Variants in MTCL3 observed in about 807,000 individuals in gnomAD.
MTCL3 encodes the protein MTCL family member 3.
the MTCL3 span, among the ~76,000 whole-genome samples, chr6:127,503,314 A>T: frequency 6.6e-6 from 1 of 152,290 alleles, no homozygotes; most frequent in African/African-American, 2.4e-5. Context: ...TATTAACAAC[A>T]TAATTATACA....
chr6:127,504,521 G>A, the MTCL3 span, among the ~76,000 whole-genome samples: 2 of 152,134 alleles, frequency 1.3e-5, no homozygotes, highest in African/African-American at 4.8e-5. Flanking sequence ...TGGGAGCAAG[G>A]CCATTCACAG....
the MTCL3 span, chr6:127,475,354 C>A: frequency 6.2e-7 from 1 of 1,613,190 alleles, no homozygotes; most frequent in Admixed American, 1.7e-5. This position sits in a 1 kb window ranked among gnomAD's most constrained non-coding sequence, Gnocchi z 7.3. Flanking sequence ...CACCTCGAGG[C>A]GGTCGATGAA....
At chr6:127,478,375 T>C in the MTCL3 span, among the ~76,000 whole-genome samples, 1 of 152,204 alleles carries the variant, frequency 6.6e-6, no homozygotes, top group African/African-American at 2.4e-5. Context: ...GAATGAAACT[T>C]ACAGAAGTTC....
the MTCL3 span, among the ~76,000 whole-genome samples, chr6:127,514,413 C>T: frequency 1.3e-5 from 2 of 152,216 alleles, no homozygotes; most frequent in Admixed American, 6.5e-5. Context: ...GGTTTCAACT[C>T]CCCCAGAGGA....
At chr6:127,513,023 A>G in the MTCL3 span, 3 of 1,611,350 alleles carry the variant, frequency 1.9e-6, no homozygotes. Flanking sequence ...ATTCATGGTG[A>G]AGTCTCACAG....
At chr6:127,513,441 A>G in the MTCL3 span, among the ~76,000 whole-genome samples, 1 of 152,164 alleles carries the variant, frequency 6.6e-6, no homozygotes, top group East Asian at 1.9e-4. Flanking sequence ...AATTTCACAA[A>G]TTTCCTTTAC....
chr6:127,476,780 G>A, the MTCL3 span, among the ~76,000 whole-genome samples: 2 of 151,920 alleles, frequency 1.3e-5, no homozygotes, highest in East Asian at 3.8e-4. This position sits in a 1 kb window ranked among gnomAD's most constrained non-coding sequence, Gnocchi z 4.4. Context: ...TTTCAGCAGT[G>A]TTTCTTTTGT....
the MTCL3 span, among the ~76,000 whole-genome samples, chr6:127,474,974 C>T: frequency 6.6e-6 from 1 of 152,214 alleles, no homozygotes; most frequent in Admixed American, 6.5e-5. Context: ...AAATATTGAC[C>T]TTCTAAAATA....
At chr6:127,509,436 G>T in the MTCL3 span, among the ~76,000 whole-genome samples, 1 of 152,186 alleles carries the variant, frequency 6.6e-6, no homozygotes, top group Non-Finnish European at 1.5e-5. Flanking sequence ...TTAGCAAACA[G>T]TTCTAAACTG....
the MTCL3 span, among the ~76,000 whole-genome samples, chr6:127,513,763 T>A: frequency 1.3e-5 from 2 of 152,090 alleles, no homozygotes; most frequent in African/African-American, 4.8e-5. Flanking sequence ...CTATTAGCTG[T>A]TTTCCAGGCC....
the MTCL3 span, among the ~76,000 whole-genome samples, chr6:127,509,343 T>C: frequency 2.0e-5 from 3 of 152,172 alleles, no homozygotes; most frequent in Admixed American, 6.5e-5. Context: ...GATAGACAGA[T>C]AGATGTGAGG....
the MTCL3 span, chr6:127,475,994 T>C: frequency 6.2e-7 from 1 of 1,610,904 alleles, no homozygotes; most frequent in Admixed American, 1.7e-5. The surrounding 1 kb of genome is among the most constrained non-coding windows in gnomAD (Gnocchi z 7.3). Flanking sequence ...TTGTACTTGT[T>C]GAGCTCCGCC....
At chr6:127,481,349 T>C in the MTCL3 span, 1 of 985,376 alleles carries the variant, frequency 1.0e-6, no homozygotes, top group Non-Finnish European at 1.2e-6. Context: ...AAAGCTGTAG[T>C]GACAGAGTAT....
the MTCL3 span, chr6:127,516,277 G>GC: frequency 1.3e-6 from 2 of 1,507,212 alleles, no homozygotes; most frequent in Non-Finnish European, 1.8e-6. Flanking sequence ...TCCCGGAGCG[G>GC]CCCCTTTGGG....
the MTCL3 span, among the ~76,000 whole-genome samples, chr6:127,475,070 A>T: frequency 1.3e-5 from 2 of 152,230 alleles, no homozygotes; most frequent in African/African-American, 2.4e-5. The surrounding 1 kb of genome is among the most constrained non-coding windows in gnomAD (Gnocchi z 7.3). Flanking sequence ...ACAGAGGAAG[A>T]AATGGTGACT....
the MTCL3 span, among the ~76,000 whole-genome samples, chr6:127,500,268 A>G: frequency 6.6e-6 from 1 of 152,210 alleles, no homozygotes; most frequent in African/African-American, 2.4e-5. Flanking sequence ...CCATTGCAAA[A>G]TGAATGCCAG....
chr6:127,475,096 A>C, the MTCL3 span, among the ~76,000 whole-genome samples: 13 of 152,372 alleles, frequency 8.5e-5, no homozygotes, highest in Middle Eastern at 0.01. The surrounding 1 kb of genome is among the most constrained non-coding windows in gnomAD (Gnocchi z 7.3). Context: ...ATGGAGTCAC[A>C]AAAACCTCAG....
the MTCL3 span, among the ~76,000 whole-genome samples, chr6:127,494,248 A>C: frequency 6.6e-6 from 1 of 152,222 alleles, no homozygotes; most frequent in East Asian, 1.9e-4. Context: ...CAAAACTGCA[A>C]TTACTTTTGC....
the MTCL3 span, chr6:127,515,046 T>C: frequency 6.2e-7 from 1 of 1,613,642 alleles, no homozygotes; most frequent in Non-Finnish European, 8.5e-7. The surrounding 1 kb of genome is among the most constrained non-coding windows in gnomAD (Gnocchi z 4.3). Flanking sequence ...ATCGATCTCG[T>C]TCTGAGGCGG....
Sources: gnomAD v4.1 joint callset for allele counts (sites outside exome capture counted in the v4.1 genomes callset) on GRCh38, gnomAD v4.1.1 for gene constraint, Gnocchi (gnomAD v3.1) non-coding constraint, MANE v1.5 for transcripts, NCBI Gene and HGNC (gene_info 2026-07-23, HGNC 2026-07-21) for gene names.